LUC7L2: variants seen among roughly 807,000 people sequenced by gnomAD.
LUC7L2 encodes LUC7 like 2, pre-mRNA splicing factor.
A neutral mutation model predicts 52.8 loss-of-function variants in LUC7L2; 25 were observed. The observed-to-expected ratio is 0.47, with a 90% CI of 0.34 to 0.66. LUC7L2 has a LOEUF of 0.66. Ranked by LOEUF, LUC7L2 falls within the 30% of genes least tolerant of loss-of-function variation. The pLI is 0.01. For synonymous variants in LUC7L2, 144 were observed against 160.9 expected, an observed-to-expected ratio of 0.89 and a Z score of 0.80; for missense variants, 328 against 497.8, an observed-to-expected ratio of 0.66 and a Z score of 3.25.
At chr7:139,393,520 A>G (rs1794536332) in intron 2 of LUC7L2, among the ~76,000 whole-genome samples, 1 of 152,074 alleles carries the variant, frequency 6.6e-6, no homozygotes, top group African/African-American at 2.4e-5. Flanking sequence ...ATCTCAGCTC[A>G]CTGCAAACCT....
At chr7:139,370,322 G>A (rs1193481882) in intron 1 of LUC7L2, among the ~76,000 whole-genome samples, 1 of 152,206 alleles carries the variant, frequency 6.6e-6, no homozygotes, top group Admixed American at 6.5e-5. Flanking sequence ...AACAAAGGTA[G>A]GTGGGAGAAG....
chr7:139,376,788 C>T (rs1352413341), intron 2 of LUC7L2, among the ~76,000 whole-genome samples: 1 of 152,170 alleles, frequency 6.6e-6, no homozygotes, highest in African/African-American at 2.4e-5. Context: ...GAAATGATTA[C>T]AAGTAGCTTC....
chr7:139,348,255 C>T (rs1237760629), intron 1 of LUC7L2, among the ~76,000 whole-genome samples: 2 of 149,390 alleles, frequency 1.3e-5, no homozygotes, highest in African/African-American at 5.0e-5. Flanking sequence ...CCAGGTTGGT[C>T]TTGAACTCGT....
Position 139,406,352 on chromosome 7 carries a change from CT to C in LUC7L2, c.510+583del, listed in dbSNP as rs58282436. 6.2e-3 allele frequency among the ~76,000 whole-genome samples: 816 copies of C among 132,448 alleles called. 8 individuals carry two copies. The highest frequency in any genetic ancestry group is 0.013 in the Middle Eastern group (3 of 232). 86.9% of individuals were successfully genotyped at this position (132,448 alleles called of 152,430 possible). On this transcript the variant is annotated intron_variant, in intron 5 of 9. Coordinates refer to ENST00000354926, the MANE Select transcript of LUC7L2 (RefSeq NM_016019.5). The stretch of plus-strand genomic sequence containing the variant: ...CAGGCATGAACCACTGCACCAGGGC[CT>C]TTTTTTTTTTTTTTTTTAAGACAGA...
chr7:139,357,499 ACT>A (rs1022287587), upstream of LUC7L2, among the ~76,000 whole-genome samples: 7 of 152,200 alleles, frequency 4.6e-5, no homozygotes, highest in African/African-American at 1.4e-4. Context: ...CTTTAAATAC[ACT>A]GTTTTTCAGG....
At chr7:139,353,528 TAC>T (rs1799517882) in intron 1 of LUC7L2, among the ~76,000 whole-genome samples, 1 of 152,122 alleles carries the variant, frequency 6.6e-6, no homozygotes, top group Non-Finnish European at 1.5e-5. Flanking sequence ...CTAAGATGAA[TAC>T]ATGGTTACTA....
intron 1 of LUC7L2, among the ~76,000 whole-genome samples, chr7:139,361,977 T>G (rs1799907593): frequency 6.6e-6 from 1 of 152,212 alleles, no homozygotes; most frequent in Non-Finnish European, 1.5e-5. Flanking sequence ...CCTGATAAGT[T>G]TCTGAATTAG....
At chr7:139,389,581 A>G (rs1326742260) in intron 2 of LUC7L2, among the ~76,000 whole-genome samples, 5 of 152,236 alleles carry the variant, frequency 3.3e-5, no homozygotes, top group African/African-American at 1.2e-4. Context: ...GATATTTAAT[A>G]AAGATAGCCC....
At chr7:139,418,683 T>A (rs1251817567) in intron 9 of LUC7L2, among the ~76,000 whole-genome samples, 2 of 152,196 alleles carry the variant, frequency 1.3e-5, no homozygotes, top group Admixed American at 1.3e-4. Context: ...ATATTTTATT[T>A]CTTATATTCT....
intron 1 of LUC7L2, among the ~76,000 whole-genome samples, chr7:139,348,199 G>A (rs1449501142): frequency 7.0e-6 from 1 of 142,378 alleles, no homozygotes; most frequent in African/African-American, 2.8e-5. Context: ...AATATATAAT[G>A]TTTTTCCTTT....
intron 3 of LUC7L2, among the ~76,000 whole-genome samples, chr7:139,399,963 A>G (rs1361379475): frequency 6.6e-6 from 1 of 152,308 alleles, no homozygotes; most frequent in Admixed American, 6.5e-5. Flanking sequence ...TAAATCTTTG[A>G]TACATTTTAT....
At chr7:139,376,999 ATG>A (rs1260638781) in intron 2 of LUC7L2, among the ~76,000 whole-genome samples, 1 of 152,188 alleles carries the variant, frequency 6.6e-6, no homozygotes, top group Non-Finnish European at 1.5e-5. Context: ...CCAAAGAGAG[ATG>A]TATCAAGGCA....
intron 8 of LUC7L2, among the ~76,000 whole-genome samples, chr7:139,414,098 T>A (rs1405530544): frequency 6.6e-6 from 1 of 152,244 alleles, no homozygotes; most frequent in African/African-American, 2.4e-5. Flanking sequence ...TATGTTTGCC[T>A]TGTAACTGGG....
intron 7 of LUC7L2, among the ~76,000 whole-genome samples, chr7:139,411,782 T>C (rs1270017999): frequency 6.6e-6 from 1 of 152,198 alleles, no homozygotes; most frequent in African/African-American, 2.4e-5. Context: ...CTAGGTGTTC[T>C]AGAGATTATA....
At chr7:139,367,176 T>G (rs955373993) in intron 1 of LUC7L2, among the ~76,000 whole-genome samples, 1 of 152,114 alleles carries the variant, frequency 6.6e-6, no homozygotes, top group Non-Finnish European at 1.5e-5. Flanking sequence ...TTTGCCATGT[T>G]GGCCAGGCTG....
At chr7:139,341,325 G>A in intron 1 of LUC7L2, 1 of 1,564,858 alleles carries the variant, frequency 6.4e-7, no homozygotes, top group Non-Finnish European at 8.7e-7. Flanking sequence ...CTGGGCCGGA[G>A]GAGGGGTTTT....
At chr7:139,397,968 G>C (rs1794732495) in intron 2 of LUC7L2, among the ~76,000 whole-genome samples, 1 of 152,140 alleles carries the variant, frequency 6.6e-6, no homozygotes, top group Admixed American at 6.6e-5. Context: ...CTTGTCCCCA[G>C]ACAAGACTAT....
intron 7 of LUC7L2, 42 bp from the exon 8 acceptor site, chr7:139,412,509 T>C (rs757786407): frequency 1.3e-6 from 2 of 1,577,318 alleles, no homozygotes; most frequent in Non-Finnish European, 1.7e-6. Flanking sequence ...TGTTTTCTTA[T>C]TTATAGCCAC....
intron 1 of LUC7L2, among the ~76,000 whole-genome samples, chr7:139,364,874 T>C (rs1800073840): frequency 6.6e-6 from 1 of 152,254 alleles, no homozygotes; most frequent in African/African-American, 2.4e-5. Context: ...ATTAACATAA[T>C]GAACCATATT....
Sources: gnomAD v4.1 joint callset for allele counts (sites outside exome capture counted in the v4.1 genomes callset) on GRCh38, gnomAD v4.1.1 for gene constraint, MANE v1.5 for transcripts, NCBI Gene and HGNC (gene_info 2026-07-23, HGNC 2026-07-21) for gene names.